SULF2: variants seen among roughly 807,000 people sequenced by gnomAD.
The protein encoded by SULF2 is sulfatase 2, also known as extracellular sulfatase Sulf-2.
SULF2 carries 52 observed loss-of-function variants against 107.7 expected under a neutral mutation model. That is an observed-to-expected ratio of 0.48 (90% CI 0.39 to 0.61). The LOEUF is 0.61. SULF2 is among the 20% of genes least tolerant of loss of function. The pLI is 0.00. For synonymous variants in SULF2, 460 were observed against 464.3 expected, an observed-to-expected ratio of 0.99 and a Z score of 0.12; for missense variants, 993 against 1,177.3, an observed-to-expected ratio of 0.84 and a Z score of 2.29.
chr20:47,703,130 G>A (rs2088624808), intron 3 of SULF2, among the ~76,000 whole-genome samples: 1 of 151,974 alleles, frequency 6.6e-6, no homozygotes, highest in South Asian at 2.1e-4. Flanking sequence ...TCACCATGTT[G>A]GCCGGGCTGG....
At chr20:47,698,560 C>A (rs2088461418) in intron 4 of SULF2, among the ~76,000 whole-genome samples, 1 of 152,156 alleles carries the variant, frequency 6.6e-6, no homozygotes, top group South Asian at 2.1e-4. Context: ...ACAGAGCTGA[C>A]AGTAGAGAGA....
intron 4 of SULF2, among the ~76,000 whole-genome samples, chr20:47,697,691 GC>G (rs1426028425): frequency 3.3e-5 from 5 of 152,030 alleles, no homozygotes; most frequent in Admixed American, 1.3e-4. Context: ...ATCCTCTCAC[GC>G]CTCCCTCACA....
chr20:47,665,000 C>T (rs1483087461), intron 14 of SULF2, among the ~76,000 whole-genome samples, 199 bp downstream of exon 14: 4 of 152,306 alleles, frequency 2.6e-5, no homozygotes, highest in East Asian at 1.9e-4. Flanking sequence ...GGAATCTGGG[C>T]GCCAGCCTGG....
chr20:47,714,692 T>C (rs2146664225), intron 3 of SULF2, among the ~76,000 whole-genome samples: 1 of 152,300 alleles, frequency 6.6e-6, no homozygotes, highest in Non-Finnish European at 1.5e-5. Context: ...GTCCTTGCCA[T>C]GCCCTACAAA....
chr20:47,736,679 G>A, intron 3 of SULF2, 24 bp downstream of exon 3: 1 of 1,613,612 alleles, frequency 6.2e-7, no homozygotes, highest in Non-Finnish European at 8.5e-7. Flanking sequence ...CTCCCTTCCT[G>A]CACCTGCCCC....
At chr20:47,669,402 C>T (rs1035628300) in intron 11 of SULF2, among the ~76,000 whole-genome samples, 9 of 152,164 alleles carry the variant, frequency 5.9e-5, no homozygotes, top group Admixed American at 2.0e-4. Context: ...CCGTCCTGTG[C>T]GTTGCAAGAT....
intron 5 of SULF2, chr20:47,686,445 C>T (rs538848286): frequency 3.9e-5 from 6 of 152,368 alleles, no homozygotes; most frequent in African/African-American, 1.2e-4. Context: ...CCTCACAAAA[C>T]GTGGGCTTCC....
At chr20:47,706,774 T>C (rs966786596) in intron 3 of SULF2, 2 of 152,180 alleles carry the variant, frequency 1.3e-5, no homozygotes, top group African/African-American at 4.8e-5. Context: ...CTCTGGAGTT[T>C]AGTCAGGAAG....
chr20:47,728,156 G>T (rs993991427), intron 3 of SULF2, among the ~76,000 whole-genome samples: 4 of 152,190 alleles, frequency 2.6e-5, no homozygotes, highest in African/African-American at 4.8e-5. Flanking sequence ...AGGCCGGAGA[G>T]GGGGAGGGAA....
chr20:47,723,153 G>C (rs1298724850), intron 3 of SULF2, among the ~76,000 whole-genome samples: 1 of 151,784 alleles, frequency 6.6e-6, no homozygotes, highest in African/African-American at 2.4e-5. Flanking sequence ...CAGAGGCAGG[G>C]GAATTGCTTG....
At chr20:47,746,994 A>ATATATAT (rs1555853891) in intron 2 of SULF2, among the ~76,000 whole-genome samples, 5 of 131,886 alleles carry the variant, frequency 3.8e-5, no homozygotes, top group Non-Finnish European at 8.1e-5. Context: ...AAAAAAAAAA[A>ATATATAT]ATATATATAT....
chr20:47,689,882 ACCT>A (rs1442250401), intron 5 of SULF2: 2 of 372,672 alleles, frequency 5.4e-6, no homozygotes, highest in Non-Finnish European at 4.7e-6. Flanking sequence ...CCATCCACAC[ACCT>A]CTTGGTGGGA....
At chr20:47,739,815 G>A (rs1436673904) in intron 2 of SULF2, among the ~76,000 whole-genome samples, 7 of 152,210 alleles carry the variant, frequency 4.6e-5, no homozygotes, top group African/African-American at 1.7e-4. Flanking sequence ...CTTACACTCG[G>A]GTTTTCATAT....
chr20:47,770,052 AGTTTT>A (rs2090600612), intron 1 of SULF2, among the ~76,000 whole-genome samples: 1 of 90,208 alleles, frequency 1.1e-5, no homozygotes, highest in Admixed American at 1.1e-4. Context: ...GATCTGGTGT[AGTTTT>A]TTTTTTTTTT....
chr20:47,744,398 CA>C (rs1247238655), intron 2 of SULF2, among the ~76,000 whole-genome samples: 7 of 152,190 alleles, frequency 4.6e-5, no homozygotes, highest in Middle Eastern at 3.4e-3. Context: ...CCATGTTGAC[CA>C]GGCTGGTCTT....
intron 2 of SULF2, among the ~76,000 whole-genome samples, chr20:47,746,993 AAATATATATAT>A (rs200131477): frequency 4.8e-5 from 5 of 104,976 alleles, no homozygotes; most frequent in Admixed American, 9.2e-5. Flanking sequence ...AAAAAAAAAA[AAATATATATAT>A]ATATATATAT....
intron 11 of SULF2, among the ~76,000 whole-genome samples, chr20:47,668,198 C>T (rs957627395): frequency 6.6e-6 from 1 of 152,230 alleles, no homozygotes; most frequent in Non-Finnish European, 1.5e-5. Context: ...TGCCTCTTTC[C>T]ACCCTCCATC....
chr20:47,765,484 A>G (rs1208193013), intron 1 of SULF2, among the ~76,000 whole-genome samples: 1 of 151,790 alleles, frequency 6.6e-6, no homozygotes, highest in Non-Finnish European at 1.5e-5. Context: ...GGAAACACTC[A>G]TGAGAGGAGG....
At chr20:47,755,613 C>A (rs549214434) in intron 2 of SULF2, among the ~76,000 whole-genome samples, 1 of 152,256 alleles carries the variant, frequency 6.6e-6, no homozygotes, top group Admixed American at 6.5e-5. Context: ...TCTCAGCACC[C>A]GGGTCTGAGC....
Sources: gnomAD v4.1 joint callset for allele counts (sites outside exome capture counted in the v4.1 genomes callset) on GRCh38, gnomAD v4.1.1 for gene constraint, MANE v1.5 for transcripts, NCBI Gene and HGNC (gene_info 2026-07-23, HGNC 2026-07-21) for gene names.